Variants in CSMD1 observed in about 807,000 individuals in gnomAD.
The protein encoded by CSMD1 is CUB and sushi domain-containing protein 1.
In CSMD1, 213 loss-of-function variants were observed where a neutral mutation model predicts 417.5. The observed-to-expected ratio is 0.51, with a 90% CI of 0.46 to 0.57. CSMD1 has a LOEUF of 0.57. Among genes scored for constraint, CSMD1 ranks in the 20% least tolerant of loss-of-function variants. The pLI is 0.00. For missense variants in CSMD1, 6,923 were observed against 4,529.7 expected (o/e 1.53, Z -15.17); for synonymous variants, 2,862 against 1,736.8 (o/e 1.65, Z -16.11).
At chr8:3,334,074 T>C (rs1028915121) in intron 23 of CSMD1, among the ~76,000 whole-genome samples, 3 of 152,182 alleles carry the variant, frequency 2.0e-5, no homozygotes, top group African/African-American at 7.2e-5. Flanking sequence ...GTGAAGGCAT[T>C]GAAAGAATCT....
At chr8:3,598,645 C>G (rs1319857128) in intron 8 of CSMD1, among the ~76,000 whole-genome samples, 1 of 152,142 alleles carries the variant, frequency 6.6e-6, no homozygotes, top group East Asian at 1.9e-4. Flanking sequence ...AGGGCTTGCT[C>G]ATTTTGCTAA....
At chr8:3,777,943 A>T (rs1413346557) in intron 5 of CSMD1, among the ~76,000 whole-genome samples, 1 of 151,928 alleles carries the variant, frequency 6.6e-6, no homozygotes, top group Admixed American at 6.6e-5. Flanking sequence ...GCAGAGTCTC[A>T]GTTCCCACTC....
intron 3 of CSMD1, among the ~76,000 whole-genome samples, chr8:4,180,176 C>A (rs980196845): frequency 3.3e-5 from 5 of 151,922 alleles, no homozygotes; most frequent in Non-Finnish European, 7.4e-5. Context: ...TGGAACCAAC[C>A]CAAATGTCCA....
intron 1 of CSMD1, chr8:4,788,275 C>G: frequency 6.3e-7 from 1 of 1,587,576 alleles, no homozygotes; most frequent in Non-Finnish European, 8.6e-7. Context: ...GATGGCATTC[C>G]TACTGTATTT....
In CSMD1 at chr8:4,708,757, C is replaced by T. The variant is rs371137895; in HGVS notation, c.86-71199G>A. ...AGATTCATATATAAAGTCCTAACCCCCAGCATGGGACTATATTTGGAGAGA... is the reference window on the plus strand; with the variant it reads ...AGATTCATATATAAAGTCCTAACCCTCAGCATGGGACTATATTTGGAGAGA... On this transcript the variant is annotated intron_variant, in intron 1 of 69. Coordinates refer to ENST00000635120, the MANE Select transcript of CSMD1 (RefSeq NM_033225.6). Among the ~76,000 whole-genome samples, 494 of 152,134 alleles carry T rather than the reference C, an allele frequency of 3.2e-3. 1 individual carries two copies. Among genetic ancestry groups the T allele is most frequent in the African/African-American group, 0.012 (480 of 41,504 alleles).
At chr8:4,521,015 G>A (rs1332712531) in intron 2 of CSMD1, among the ~76,000 whole-genome samples, 1 of 152,092 alleles carries the variant, frequency 6.6e-6, no homozygotes, top group Non-Finnish European at 1.5e-5. Context: ...GCCCACTGCT[G>A]TTTCAACCAT....
chr8:4,461,169 A>AGAT (rs1563200635), intron 2 of CSMD1, among the ~76,000 whole-genome samples: 1 of 79,050 alleles, frequency 1.3e-5, no homozygotes, highest in South Asian at 4.4e-4. Flanking sequence ...TTACCAGATA[A>AGAT]AAAGTGACAA....
chr8:4,906,872 T>A (rs946948620), intron 1 of CSMD1, among the ~76,000 whole-genome samples: 1 of 152,176 alleles, frequency 6.6e-6, no homozygotes, highest in Non-Finnish European at 1.5e-5. Flanking sequence ...GTTTCTTTTT[T>A]CAAAGTACCT....
At chr8:4,720,719 G>C (rs920833536) in intron 1 of CSMD1, among the ~76,000 whole-genome samples, 1 of 152,092 alleles carries the variant, frequency 6.6e-6, no homozygotes. Flanking sequence ...ACCACGACTG[G>C]CTAAATAATT....
chr8:3,913,252 G>A (rs982186636), intron 5 of CSMD1, among the ~76,000 whole-genome samples: 8 of 152,112 alleles, frequency 5.3e-5, no homozygotes. Context: ...TCCTTGGCAC[G>A]AGAATGACAA....
chr8:3,607,033 G>C (rs908327536), intron 8 of CSMD1, among the ~76,000 whole-genome samples: 1 of 152,088 alleles, frequency 6.6e-6, no homozygotes, highest in Non-Finnish European at 1.5e-5. Flanking sequence ...TTTTTAACTT[G>C]TGAGTTTTTT....
chr8:4,554,615 G>A (rs542046223), intron 2 of CSMD1, among the ~76,000 whole-genome samples: 1 of 152,176 alleles, frequency 6.6e-6, no homozygotes, highest in African/African-American at 2.4e-5. Flanking sequence ...CTCAGGATGT[G>A]TTGATTTTAC....
intron 7 of CSMD1, among the ~76,000 whole-genome samples, chr8:3,639,769 T>A (rs1246861398): frequency 6.6e-6 from 1 of 152,194 alleles, no homozygotes; most frequent in Non-Finnish European, 1.5e-5. Flanking sequence ...ATCTTGTTAT[T>A]CTTCATAATC....
At chr8:4,598,828 G>T (rs1800420596) in intron 2 of CSMD1, among the ~76,000 whole-genome samples, 1 of 152,124 alleles carries the variant, frequency 6.6e-6, no homozygotes, top group African/African-American at 2.4e-5. Context: ...AAATTGTATT[G>T]TCCAAGCTTA....
chr8:3,988,989 T>G (rs944895240), intron 5 of CSMD1, among the ~76,000 whole-genome samples: 6 of 152,232 alleles, frequency 3.9e-5, no homozygotes, highest in Non-Finnish European at 5.9e-5. Flanking sequence ...CTTTTAGAAC[T>G]AGATACAGGT....
At chr8:3,685,719 G>A (rs995827574) in intron 7 of CSMD1, among the ~76,000 whole-genome samples, 1 of 128,604 alleles carries the variant, frequency 7.8e-6, no homozygotes, top group South Asian at 2.4e-4. Flanking sequence ...GATCAGAAGG[G>A]TCAATTTCTT....
chr8:3,964,185 A>C (rs1233459706), intron 5 of CSMD1, among the ~76,000 whole-genome samples: 1 of 152,194 alleles, frequency 6.6e-6, no homozygotes, highest in African/African-American at 2.4e-5. Flanking sequence ...GTAAACATTA[A>C]AGGCATTTAT....
At chr8:3,603,222 A>G (rs1801447036) in intron 8 of CSMD1, among the ~76,000 whole-genome samples, 2 of 152,064 alleles carry the variant, frequency 1.3e-5, no homozygotes, top group Non-Finnish European at 2.9e-5. Context: ...ATCGGCAAAT[A>G]TTTTTCCTAC....
rs777930045 is a variant in CSMD1, at chr8:4,581,786, CTA to C, written c.302+55554_302+55555del. 2.6e-5 allele frequency among the ~76,000 whole-genome samples: 4 copies of C among 152,274 alleles called. No homozygotes were observed. In the East Asian group the frequency reaches 7.7e-4, roughly 29 times the overall value. Reference sequence around the variant, plus strand: ...ATCTTGGCAGACAATTGCCTATTGGCTATTGCTAGGCTCTGAGCAAATGAGTC... The same window carrying C: ...ATCTTGGCAGACAATTGCCTATTGGCTTGCTAGGCTCTGAGCAAATGAGTC... On this transcript the variant is annotated intron_variant, in intron 2 of 69. Transcript: ENST00000635120.
Sources: allele counts gnomAD v4.1 joint callset (sites outside exome capture counted in the v4.1 genomes callset), GRCh38; gene constraint gnomAD v4.1.1; transcripts MANE v1.5; gene names NCBI Gene and HGNC (gene_info 2026-07-23, HGNC 2026-07-21).